The following USH2A variants were observed in gnomAD, a reference collection of about 807,000 sequenced individuals.
USH2A encodes Usher syndrome 2A (autosomal recessive, mild).
USH2A carries 443 observed loss-of-function variants against 538.9 expected under a neutral mutation model. That is an observed-to-expected ratio of 0.82 (90% CI 0.76 to 0.89). The LOEUF is 0.89. Ranked by LOEUF, USH2A falls within the 40% of genes least tolerant of loss-of-function variation. USH2A has a pLI of 0.00. For missense variants in USH2A, 6,633 were observed against 6,324.8 expected (o/e 1.05, Z -1.65); for synonymous variants, 2,413 against 2,273.5 (o/e 1.06, Z -1.75).
At chr1:216,039,088 A>G (rs2030145063) in intron 32 of USH2A, among the ~76,000 whole-genome samples, 1 of 152,030 alleles carries the variant, frequency 6.6e-6, no homozygotes, top group African/African-American at 2.4e-5. Context: ...CTTAGGTTGT[A>G]TTGTTTACAG....
chr1:216,404,731 C>T (rs533129012), intron 3 of USH2A, among the ~76,000 whole-genome samples: 1 of 149,422 alleles, frequency 6.7e-6, no homozygotes, highest in Non-Finnish European at 1.5e-5. Flanking sequence ...AGGTGATCTT[C>T]CTTCCTCAGC....
chr1:215,757,449 G>A, intron 58 of USH2A, among the ~76,000 whole-genome samples: 1 of 152,148 alleles, frequency 6.6e-6, no homozygotes, highest in East Asian at 1.9e-4. Flanking sequence ...GTTATGGAAT[G>A]GATCTACCGA....
chr1:216,385,830 C>T (rs776586909), intron 3 of USH2A, among the ~76,000 whole-genome samples: 1 of 152,164 alleles, frequency 6.6e-6, no homozygotes, highest in Non-Finnish European at 1.5e-5. Context: ...GCCATCATCA[C>T]AAGAATATTT....
At chr1:216,196,349 T>G (rs2034842614) in intron 19 of USH2A, among the ~76,000 whole-genome samples, 1 of 152,084 alleles carries the variant, frequency 6.6e-6, no homozygotes, top group African/African-American at 2.4e-5. Context: ...TTATACCAAC[T>G]TAGTTTCAAT....
intron 52 of USH2A, among the ~76,000 whole-genome samples, chr1:215,784,166 C>T (rs1558096421): frequency 6.6e-6 from 1 of 152,114 alleles, no homozygotes; most frequent in African/African-American, 2.4e-5. Context: ...ACCACATTTG[C>T]CAGTTTTCTT....
chr1:216,175,875 C>G (rs1467620973), intron 20 of USH2A, among the ~76,000 whole-genome samples: 4 of 152,296 alleles, frequency 2.6e-5, no homozygotes, highest in East Asian at 3.9e-4. Context: ...TCTGATGGCT[C>G]ATGGCTGCCC....
At chr1:215,981,767 A>G (rs746435549) in intron 35 of USH2A, among the ~76,000 whole-genome samples, 1 of 152,218 alleles carries the variant, frequency 6.6e-6, no homozygotes, top group Non-Finnish European at 1.5e-5. Context: ...CATTAATGAG[A>G]TGTAGCTGTA....
intron 32 of USH2A, among the ~76,000 whole-genome samples, chr1:216,043,453 T>C (rs556861941): frequency 1.3e-5 from 2 of 152,168 alleles, no homozygotes; most frequent in East Asian, 3.9e-4. Flanking sequence ...ATGGGTAGTA[T>C]TGGAGATATA....
intron 64 of USH2A, among the ~76,000 whole-genome samples, chr1:215,654,740 A>T (rs1657188068): frequency 1.3e-5 from 2 of 152,248 alleles, no homozygotes; most frequent in South Asian, 4.1e-4. Context: ...AAAATGATAG[A>T]TTAATATGTC....
intron 58 of USH2A, among the ~76,000 whole-genome samples, chr1:215,743,717 G>C (rs184755962): frequency 6.1e-4 from 92 of 151,320 alleles, no homozygotes; most frequent in Non-Finnish European, 8.7e-4. Flanking sequence ...CTACTCGGGA[G>C]GCTGAGGCAG....
chr1:216,146,089 G>A (rs924950424), intron 21 of USH2A, among the ~76,000 whole-genome samples: 8 of 152,140 alleles, frequency 5.3e-5, no homozygotes, highest in African/African-American at 1.9e-4. Flanking sequence ...GACCTCCCTT[G>A]GGAGATCAAT....
At chr1:216,029,586 C>T (rs1441776093) in intron 32 of USH2A, among the ~76,000 whole-genome samples, 1 of 151,790 alleles carries the variant, frequency 6.6e-6, no homozygotes, top group Non-Finnish European at 1.5e-5. Flanking sequence ...TTATTAGTGT[C>T]ATATAGCCAC....
intron 69 of USH2A, among the ~76,000 whole-genome samples, chr1:215,638,147 C>T (rs1192921882): frequency 6.6e-6 from 1 of 152,198 alleles, no homozygotes; most frequent in African/African-American, 2.4e-5. Context: ...TTATGATCAA[C>T]ATGAATTGGC....
chr1:216,363,746 C>T (rs1458824878), intron 4 of USH2A, among the ~76,000 whole-genome samples: 1 of 151,554 alleles, frequency 6.6e-6, no homozygotes, highest in Admixed American at 6.6e-5. Context: ...GCATAGAATA[C>T]AGCCATTTTA....
intron 47 of USH2A, among the ~76,000 whole-genome samples, chr1:215,830,546 G>A (rs1470204068): frequency 6.6e-6 from 1 of 152,104 alleles, no homozygotes; most frequent in Non-Finnish European, 1.5e-5. Flanking sequence ...CATTTCAAAA[G>A]AAATCATATC....
intron 38 of USH2A, among the ~76,000 whole-genome samples, chr1:215,916,036 GT>G (rs1665944027): frequency 8.6e-6 from 1 of 116,468 alleles, no homozygotes; most frequent in African/African-American, 3.3e-5. Flanking sequence ...GGGGACTGTT[GT>G]GGGGTGGGGG....
chr1:216,234,497 C>T (rs2102526594), intron 13 of USH2A, among the ~76,000 whole-genome samples: 1 of 152,222 alleles, frequency 6.6e-6, no homozygotes, highest in Admixed American at 6.5e-5. Context: ...CCTGATTCAT[C>T]ACATGATCAA....
chr1:216,182,714 A>G (rs2034518941), intron 20 of USH2A, among the ~76,000 whole-genome samples: 1 of 152,130 alleles, frequency 6.6e-6, no homozygotes, highest in South Asian at 2.1e-4. Context: ...GGTAAGGATC[A>G]AAATAAATTT....
intron 62 of USH2A, 33 bp from the exon 63 acceptor site, chr1:215,675,649 G>A (rs1417884270): frequency 6.2e-7 from 1 of 1,613,794 alleles, no homozygotes; most frequent in Non-Finnish European, 8.5e-7. Context: ...GGGATAACTT[G>A]CAGCATACAA....
Sources: allele counts gnomAD v4.1 joint callset (sites outside exome capture counted in the v4.1 genomes callset), GRCh38; gene constraint gnomAD v4.1.1; transcripts MANE v1.5; gene names NCBI Gene and HGNC (gene_info 2026-07-23, HGNC 2026-07-21).